Variants in SMAD9 observed in about 807,000 individuals in gnomAD.
SMAD9 encodes SMAD family member 9.
A neutral mutation model predicts 46.1 loss-of-function variants in SMAD9; 36 were observed. The observed-to-expected ratio is 0.78, with a 90% CI of 0.60 to 1.03. SMAD9 has a LOEUF of 1.03. SMAD9 is among the 50% of genes least tolerant of loss of function. SMAD9 has a pLI of 0.00. For synonymous variants in SMAD9, 245 were observed against 237.1 expected, an observed-to-expected ratio of 1.03 and a Z score of -0.31; for missense variants, 572 against 599.8, an observed-to-expected ratio of 0.95 and a Z score of 0.48.
At chr13:36,897,520 A>C (rs1181247707) in intron 1 of SMAD9, among the ~76,000 whole-genome samples, 2 of 152,208 alleles carry the variant, frequency 1.3e-5, no homozygotes, top group African/African-American at 2.4e-5. Flanking sequence ...GAAATCTACA[A>C]TATATTCATG....
intron 1 of SMAD9, among the ~76,000 whole-genome samples, chr13:36,903,017 T>C (rs1443582607): frequency 6.6e-6 from 1 of 151,748 alleles, no homozygotes; most frequent in African/African-American, 2.4e-5. Flanking sequence ...TGGAAGAAAA[T>C]ACCATGGCTA....
At chr13:36,894,127 G>C (rs941932891) in intron 1 of SMAD9, among the ~76,000 whole-genome samples, 1 of 152,170 alleles carries the variant, frequency 6.6e-6, no homozygotes, top group Non-Finnish European at 1.5e-5. Context: ...AGAATGTTAA[G>C]AACAGTATTT....
At chr13:36,867,756 C>T (rs760188796) in intron 3 of SMAD9, among the ~76,000 whole-genome samples, 1 of 152,162 alleles carries the variant, frequency 6.6e-6, no homozygotes, top group Non-Finnish European at 1.5e-5. Context: ...TTGAAGTGAG[C>T]TTAATTTTCA....
chr13:36,887,040 G>GTTTTTTTTTTTTTTT (rs200264324), intron 1 of SMAD9, among the ~76,000 whole-genome samples: 1 of 102,542 alleles, frequency 9.8e-6, no homozygotes, highest in Non-Finnish European at 1.9e-5. Flanking sequence ...CTTTGAATGG[G>GTTTTTTTTTTTTTTT]TTTTTTTTTT....
rs2058053658 is a variant in SMAD9 at position 36,848,924 on chromosome 13, T to A, written c.1261-105A>T. 3 of 1,085,004 alleles carry A rather than the reference T, an allele frequency of 2.8e-6. No homozygotes were observed. The Admixed American group carries it at 6.3e-5, about 23-fold the overall frequency. The allele number at this position is 1,085,004 out of a possible 1,614,324, so 67.2% of individuals were successfully genotyped here. A position where few individuals can be genotyped will look rare whatever the true frequency, so the allele number is the denominator to read the frequency against. On this transcript the variant is annotated intron_variant, in intron 6 of 6. Transcript: ENST00000379826. ...CACAGAGCCCACACCCCAGCGTAGC[T>A]CCTGAGACCTGAGAGGGAGAGAACA... is the stretch of plus-strand genomic sequence containing the variant.
intron 1 of SMAD9, among the ~76,000 whole-genome samples, chr13:36,883,629 T>C (rs1340563811): frequency 6.6e-6 from 1 of 152,116 alleles, no homozygotes; most frequent in East Asian, 1.9e-4. Flanking sequence ...CGGGTACATG[T>C]AGTCCCAGCT....
Position 36,865,638 on chromosome 13 carries a change from AACCCATCT to A in SMAD9, c.894_901del (p.Asp299HisfsTer6). 1 of 1,614,156 alleles carries A rather than the reference AACCCATCT, an allele frequency of 6.2e-7. No individual in the cohort carries two copies. Among genetic ancestry groups the A allele is most frequent in the Non-Finnish European group, 8.5e-7 (1 of 1,179,982 alleles). The stretch of plus-strand genomic sequence containing the variant: ...GTTCCTGTTATTTGAAGGGTCGGTG[AACCCATCT>A]ATGAGCACACTTCGGGAGGAAGCCT... On this transcript the variant is annotated frameshift_variant, in exon 5 of 7. Transcript: ENST00000379826. LOFTEE classifies it high-confidence loss of function.
chr13:36,872,189 G>A (rs998517125), intron 3 of SMAD9, among the ~76,000 whole-genome samples: 1 of 152,028 alleles, frequency 6.6e-6, no homozygotes, highest in African/African-American at 2.4e-5. Context: ...ACTGGCTGGA[G>A]CTGGGGCTTC....
intron 1 of SMAD9, among the ~76,000 whole-genome samples, chr13:36,894,735 T>C (rs1215264379): frequency 6.6e-6 from 1 of 152,058 alleles, no homozygotes; most frequent in Non-Finnish European, 1.5e-5. Flanking sequence ...ATGTCACTTA[T>C]CCTGTGTGGC....
chr13:36,873,435 C>T (rs1451090912), intron 2 of SMAD9, among the ~76,000 whole-genome samples: 1 of 152,142 alleles, frequency 6.6e-6, no homozygotes, highest in Admixed American at 6.5e-5. Flanking sequence ...GATGACCAGA[C>T]TCAATTTCAG....
chr13:36,863,894 G>A (rs1003533097), intron 5 of SMAD9, among the ~76,000 whole-genome samples: 4 of 152,076 alleles, frequency 2.6e-5, no homozygotes, highest in Non-Finnish European at 5.9e-5. Flanking sequence ...TTATAGCAGT[G>A]AAACAGACTA....
At chr13:36,886,174 T>A (rs1273288928) in intron 1 of SMAD9, among the ~76,000 whole-genome samples, 1 of 152,218 alleles carries the variant, frequency 6.6e-6, no homozygotes, top group Non-Finnish European at 1.5e-5. Context: ...AAGTATCTTG[T>A]AAAGGTCACA....
chr13:36,905,604 C>T (rs576676388), intron 1 of SMAD9, among the ~76,000 whole-genome samples: 1 of 151,182 alleles, frequency 6.6e-6, no homozygotes, highest in African/African-American at 2.4e-5. Flanking sequence ...AAAACAAAAA[C>T]GAAAAACAAA....
At chr13:36,869,398 T>G (rs2058267133) in intron 3 of SMAD9, among the ~76,000 whole-genome samples, 1 of 152,068 alleles carries the variant, frequency 6.6e-6, no homozygotes, top group East Asian at 1.9e-4. Context: ...ACTTTTGTAT[T>G]TTTAGTAGAG....
intron 1 of SMAD9, among the ~76,000 whole-genome samples, chr13:36,905,774 C>CAAAAAAAAAAAAAAAAAA (rs60358673): frequency 4.5e-5 from 3 of 66,452 alleles, no homozygotes; most frequent in South Asian, 6.1e-4. Flanking sequence ...GACCCTGTCT[C>CAAAAAAAAAAAAAAAAAA]AAAAAAAAAA....
At chr13:36,866,845 C>A (rs1319639753) in intron 4 of SMAD9, among the ~76,000 whole-genome samples, 1 of 152,138 alleles carries the variant, frequency 6.6e-6, no homozygotes, top group Non-Finnish European at 1.5e-5. Flanking sequence ...TCGAGCAACA[C>A]TTATCTAGAC....
chr13:36,916,605 G>T (rs1449894779), intron 1 of SMAD9, among the ~76,000 whole-genome samples: 1 of 152,084 alleles, frequency 6.6e-6, no homozygotes, highest in Non-Finnish European at 1.5e-5. Context: ...TACTATAAAG[G>T]GCACTGTGGT....
intron 1 of SMAD9, among the ~76,000 whole-genome samples, chr13:36,912,460 T>C (rs547058426): frequency 2.0e-5 from 3 of 152,274 alleles, no homozygotes; most frequent in Admixed American, 1.3e-4. Context: ...AACATATTAT[T>C]ATCAGGCAAG....
intron 2 of SMAD9, among the ~76,000 whole-genome samples, chr13:36,876,629 A>T (rs2058347860): frequency 6.6e-6 from 1 of 152,198 alleles, no homozygotes; most frequent in African/African-American, 2.4e-5. Flanking sequence ...ACTGGAAATT[A>T]AAAAAATAAA....
Sources: gnomAD v4.1 joint callset for allele counts (sites outside exome capture counted in the v4.1 genomes callset) on GRCh38, gnomAD v4.1.1 for gene constraint, MANE v1.5 for transcripts, NCBI Gene and HGNC (gene_info 2026-07-23, HGNC 2026-07-21) for gene names.